DBH: variants seen among roughly 807,000 people sequenced by gnomAD.
The protein encoded by DBH is dopamine beta-hydroxylase (dopamine beta-monooxygenase).
In DBH, 49 loss-of-function variants were observed where a neutral mutation model predicts 64.0. The observed-to-expected ratio is 0.77, with a 90% confidence interval of 0.61 to 0.97. The LOEUF is 0.97. Ranked by LOEUF, DBH falls within the 50% of genes least tolerant of loss-of-function variation. DBH has a pLI of 0.00. For synonymous variants in DBH, 343 were observed against 347.1 expected (o/e 0.99, Z 0.13); for missense variants, 828 against 826.6 (o/e 1.00, Z -0.02).
chr9:133,654,744 A>C (rs572264489), intron 9 of DBH: 41 of 152,482 alleles, frequency 2.7e-4, no homozygotes, highest in African/African-American at 9.6e-4. Context: ...CAGGAGATAC[A>C]GTGAGGTCCA....
At chr9:133,640,567 CTT>C (rs1440079806) in intron 2 of DBH, among the ~76,000 whole-genome samples, 1 of 152,278 alleles carries the variant, frequency 6.6e-6, no homozygotes, top group Non-Finnish European at 1.5e-5. Flanking sequence ...CCCCCAACCT[CTT>C]AGGGAAAGCA....
intron 7 of DBH, 90 bp downstream of exon 7, chr9:133,651,867 G>T: frequency 7.5e-7 from 1 of 1,340,704 alleles, no homozygotes; most frequent in Non-Finnish European, 1.0e-6. Flanking sequence ...CCATAGGGAT[G>T]GCTCCAGGCT....
chr9:133,654,104 TTATTTTATTTTA>T (rs942302141), intron 9 of DBH, among the ~76,000 whole-genome samples: 10 of 133,416 alleles, frequency 7.5e-5, no homozygotes, highest in Non-Finnish European at 1.3e-4. Flanking sequence ...GTGGTTTATT[TTATTTTATTTTA>T]TATTTTATTT....
intron 1 of DBH, among the ~76,000 whole-genome samples, chr9:133,639,431 C>T (rs532865755): frequency 1.3e-5 from 2 of 152,226 alleles, no homozygotes; most frequent in African/African-American, 4.8e-5. Context: ...ACTCTCCTGC[C>T]TGCATGAATG....
intron 9 of DBH, 138 bp from the exon 10 acceptor site, chr9:133,656,385 C>G: frequency 8.4e-7 from 1 of 1,193,494 alleles, no homozygotes; most frequent in Non-Finnish European, 1.2e-6. Context: ...GGCAGGGACT[C>G]GGTTCCCCAG....
Position 133,652,356 on chromosome 9 carries a change from A to T in DBH, c.1374+72A>T. 3 of 1,556,990 alleles carry T rather than the reference A, an allele frequency of 1.9e-6. No homozygotes were observed. The East Asian group carries it at 6.7e-5, about 35-fold the overall frequency. On this transcript the variant is annotated intron_variant, in intron 8 of 11. Coordinates refer to ENST00000393056, the MANE Select transcript of DBH (RefSeq NM_000787.4). ...GGTGGCTGAGAGGGCTGGGGGTGCC[A>T]CCAGAAGGAGAGGGACACAGAAAGT...
intron 6 of DBH, 35 bp downstream of exon 6, chr9:133,648,047 T>C: frequency 6.3e-7 from 1 of 1,588,582 alleles, no homozygotes; most frequent in South Asian, 1.1e-5. Flanking sequence ...GCACCCTCCC[T>C]CCTCCCGCGT....
intron 5 of DBH, among the ~76,000 whole-genome samples, chr9:133,646,322 CCCG>C (rs1564210652): frequency 2.0e-5 from 3 of 151,138 alleles, no homozygotes; most frequent in Admixed American, 6.6e-5. Flanking sequence ...TCCAGACCAC[CCCG>C]CCATGTCCGC....
intron 1 of DBH, among the ~76,000 whole-genome samples, chr9:133,637,963 G>A (rs150868430): frequency 6.6e-6 from 1 of 152,366 alleles, no homozygotes; most frequent in Admixed American, 6.5e-5. Context: ...CAGCCGTCTG[G>A]AGGAGCAGCT....
chr9:133,640,743 C>A (rs554403910), intron 2 of DBH, among the ~76,000 whole-genome samples: 17 of 152,296 alleles, frequency 1.1e-4, no homozygotes, highest in Admixed American at 5.2e-4. Context: ...CCAGTGCCAT[C>A]GAAAGATTGA....
intron 5 of DBH, 91 bp from the exon 6 acceptor site, chr9:133,647,755 G>A: frequency 6.6e-7 from 1 of 1,516,492 alleles, no homozygotes; most frequent in Non-Finnish European, 9.0e-7. Flanking sequence ...CTGGCTGAGG[G>A]TGGCTGGGGT....
At chr9:133,638,066 C>A (rs969305375) in intron 1 of DBH, among the ~76,000 whole-genome samples, 1 of 152,248 alleles carries the variant, frequency 6.6e-6, no homozygotes, top group South Asian at 2.1e-4. Context: ...GGGGCAGCGT[C>A]CCCCCTGCCT....
At chr9:133,649,068 A>G (rs913558068) in intron 6 of DBH, among the ~76,000 whole-genome samples, 1 of 152,132 alleles carries the variant, frequency 6.6e-6, no homozygotes, top group African/African-American at 2.4e-5. Flanking sequence ...AATATTGTAA[A>G]TATTTTCTGT....
chr9:133,636,829 G>A lies in DBH; in HGVS notation c.339+119G>A, dbSNP rs576999506. The A allele has an allele frequency of 2.8e-4, 275 of 968,664 alleles. 1 individual carries two copies. The South Asian group carries it at 3.7e-3, about 13-fold the overall frequency. 60.0% of individuals were successfully genotyped at this position (968,664 alleles called of 1,614,324 possible). A position where few individuals can be genotyped will look rare whatever the true frequency, so the allele number is the denominator to read the frequency against. On this transcript the variant is annotated intron_variant, in intron 1 of 11. Coordinates refer to ENST00000393056, the MANE Select transcript of DBH (RefSeq NM_000787.4). ...GTTCTTCTGTCACCTGTCAGTGTTTGAGTTGACTCTGCTCTGAGCCAAGTC... is the reference window on the plus strand; with the variant it reads ...GTTCTTCTGTCACCTGTCAGTGTTTAAGTTGACTCTGCTCTGAGCCAAGTC...
Position 133,651,580 on chromosome 9 carries a change from G to A in DBH, c.1192-54G>A, listed in dbSNP as rs181864558. The A allele has an allele frequency of 3.1e-4, 502 of 1,609,740 alleles. 1 individual carries two copies. The highest frequency in any genetic ancestry group is 1.6e-3 in the Middle Eastern group (8 of 5,004). On this transcript the variant is annotated intron_variant, in intron 6 of 11. Coordinates refer to ENST00000393056, the MANE Select transcript of DBH (RefSeq NM_000787.4). Reference sequence around the variant, plus strand: ...TCCCTACCGGGTCCTGGCCATGGACGGGAGGGTCCCCTCGGGGGTCAGGCC... The same window carrying A: ...TCCCTACCGGGTCCTGGCCATGGACAGGAGGGTCCCCTCGGGGGTCAGGCC...
intron 11 of DBH, chr9:133,657,459 GGAGAGGGA>G (rs1287499090): frequency 4.0e-6 from 2 of 506,298 alleles, no homozygotes; most frequent in Non-Finnish European, 7.0e-6. Flanking sequence ...GAGGAGAGAG[GGAGAGGGA>G]GAGAGGGAGA....
chr9:133,637,944 C>G (rs562017709), intron 1 of DBH, among the ~76,000 whole-genome samples: 1 of 152,380 alleles, frequency 6.6e-6, no homozygotes, highest in African/African-American at 2.4e-5. Flanking sequence ...AGCCCTGATT[C>G]TGAGCCGTCA....
At chr9:133,653,146 A>C (rs1051151288) in intron 9 of DBH, 147 bp downstream of exon 9, 3 of 716,024 alleles carry the variant, frequency 4.2e-6, no homozygotes, top group Non-Finnish European at 7.6e-6. Context: ...CCTGAACCAC[A>C]GTGGCAGCAT....
At position 133,657,011 on chromosome 9, in the gene DBH, C is replaced by T. The variant is rs879162075; in HGVS notation, c.1563-59C>T. 80 of 1,584,186 alleles carry T rather than the reference C, an allele frequency of 5.0e-5. 2 individuals are homozygous for T. The South Asian group carries it at 5.5e-4, about 11-fold the overall frequency. On this transcript the variant is annotated intron_variant, in intron 10 of 11. Transcript: ENST00000393056. Reference sequence around the variant, plus strand: ...AGTTGCAGGGAGGTGTTGCTGGTGCCCACTGGGCTCCCTGCCCGTCAGCTG... The same window carrying T: ...AGTTGCAGGGAGGTGTTGCTGGTGCTCACTGGGCTCCCTGCCCGTCAGCTG...
Sources: gnomAD v4.1 joint callset for allele counts (sites outside exome capture counted in the v4.1 genomes callset) on GRCh38, gnomAD v4.1.1 for gene constraint, MANE v1.5 for transcripts, NCBI Gene and HGNC (gene_info 2026-07-23, HGNC 2026-07-21) for gene names.